Variants in RBFOX1 observed in about 807,000 individuals in gnomAD.
RBFOX1 encodes RNA binding fox-1 homolog 1.
RBFOX1 carries 8 observed loss-of-function variants against 57.7 expected under a neutral mutation model. That is an observed-to-expected ratio of 0.14 (90% CI 0.08 to 0.25). The LOEUF (loss-of-function observed/expected upper bound fraction) is 0.25. RBFOX1 is among the 10% of genes least tolerant of loss of function. The probability of loss-of-function intolerance (pLI) is 1.00; values close to 1 mark genes in which losing one functional copy is unlikely to be tolerated. For synonymous variants in RBFOX1, 326 were observed against 222.4 expected (o/e 1.47, Z -4.15); for missense variants, 611 against 548.5 (o/e 1.11, Z -1.14).
chr16:5,718,180 G>C (rs181376991), intron 3 of RBFOX1, among the ~76,000 whole-genome samples: 2 of 152,230 alleles, frequency 1.3e-5, no homozygotes. Flanking sequence ...AATAGCTGCT[G>C]TTCTTTAAGC....
intron 5 of RBFOX1, among the ~76,000 whole-genome samples, chr16:7,567,112 C>T (rs1428023005): frequency 6.8e-6 from 1 of 147,400 alleles, no homozygotes; most frequent in Non-Finnish European, 1.5e-5. Flanking sequence ...TATGTATATC[C>T]ATATATATCT....
At chr16:7,336,915 T>C (rs142127117) in intron 4 of RBFOX1, among the ~76,000 whole-genome samples, 1 of 152,304 alleles carries the variant, frequency 6.6e-6, no homozygotes, top group African/African-American at 2.4e-5. Flanking sequence ...ATGTAAATAT[T>C]CATGTATTTT....
intron 3 of RBFOX1, among the ~76,000 whole-genome samples, chr16:7,010,457 A>G (rs777271171): frequency 3.9e-5 from 6 of 152,132 alleles, no homozygotes; most frequent in Non-Finnish European, 5.9e-5. Context: ...GTCCGTGAGC[A>G]TCCGAGGGGC....
intron 4 of RBFOX1, among the ~76,000 whole-genome samples, chr16:7,404,393 C>G (rs898007864): frequency 1.3e-5 from 2 of 152,120 alleles, no homozygotes; most frequent in African/African-American, 4.8e-5. Context: ...AGGTCACTGA[C>G]CTATCAGGGA....
intron 4 of RBFOX1, among the ~76,000 whole-genome samples, chr16:7,381,269 C>G (rs2097777981): frequency 6.6e-6 from 1 of 152,284 alleles, no homozygotes; most frequent in Admixed American, 6.5e-5. Flanking sequence ...TGGGCCCTGA[C>G]TTTTCTTGTT....
At chr16:6,243,667 C>T (rs1305615531) in intron 1 of RBFOX1, among the ~76,000 whole-genome samples, 1 of 152,190 alleles carries the variant, frequency 6.6e-6, no homozygotes, top group Non-Finnish European at 1.5e-5. Context: ...CAGAGCATCC[C>T]AACCCCTGAC....
At chr16:6,757,074 A>C (rs1376604876) in intron 3 of RBFOX1, among the ~76,000 whole-genome samples, 1 of 152,208 alleles carries the variant, frequency 6.6e-6, no homozygotes, top group Non-Finnish European at 1.5e-5. Flanking sequence ...TTATGAGGGA[A>C]ATGCAGATCA....
At chr16:5,460,299 G>A (rs528161659) in intron 1 of RBFOX1, among the ~76,000 whole-genome samples, 1 of 152,246 alleles carries the variant, frequency 6.6e-6, no homozygotes, top group South Asian at 2.1e-4. Flanking sequence ...TGTTGAAGCA[G>A]GAATAGTAAT....
At position 7,710,677 on chromosome 16, in the gene RBFOX1, G is replaced by C. The variant is rs775537387; in HGVS notation, c.1126G>C (p.Gly376Arg). The change falls in exon 16 of 16, where the codon GGT becomes CGT. Residue 376 changes from glycine (G) to arginine (R), a missense_variant. Gly to Arg is a moderately radical substitution (Grantham distance 125, BLOSUM62 -2). Coordinates refer to ENST00000550418, the MANE Select transcript of RBFOX1 (RefSeq NM_018723.4). ...GACTAGGAGCCATGCTGATGATGTG[G>C]GTCTCGTTCTTTCTTCATTGCAGGC... Reference protein sequence around the residue: ...AKTRSHADDVGLVLSSLQASI... With the variant: ...AKTRSHADDVRLVLSSLQASI... 1 of 1,613,464 alleles carries C rather than the reference G, an allele frequency of 6.2e-7. No homozygotes were observed. Among genetic ancestry groups the C allele is most frequent in the South Asian group, 1.1e-5 (1 of 90,972 alleles).
At chr16:6,857,219 T>G (rs147831254) in intron 3 of RBFOX1, among the ~76,000 whole-genome samples, 1 of 152,184 alleles carries the variant, frequency 6.6e-6, no homozygotes, top group African/African-American at 2.4e-5. Flanking sequence ...TACGCTGATA[T>G]ATAAATCATA....
In RBFOX1 at chr16:7,515,835, C is replaced by CGTT. The variant is rs139201687; in HGVS notation, c.28-2286_28-2284dup. On this transcript the variant is annotated intron_variant, in intron 4 of 15. Transcript: ENST00000550418. ...GGGAGGTCCCCTTCAAGTGGCAGTT[C>CGTT]GTTGTTGTTGTTGTTGTTGTTGTTG... Among the ~76,000 whole-genome samples, 1,433 of 151,340 alleles carry CGTT rather than the reference C, an allele frequency of 9.5e-3. 9 individuals carry two copies. The highest frequency in any genetic ancestry group is 0.024 in the African/African-American group (977 of 41,220).
Position 7,450,914 on chromosome 16 carries a change from A to G in RBFOX1, c.28-67233A>G, listed in dbSNP as rs146858040. On this transcript the variant is annotated intron_variant, in intron 4 of 15. Transcript: ENST00000550418. Reference sequence around the variant, plus strand: ...GTTTCAGGGCATGCATCCACAGCGTAGGTTGGTAACTAAAAGGCCAGCCCA... The same window carrying G: ...GTTTCAGGGCATGCATCCACAGCGTGGGTTGGTAACTAAAAGGCCAGCCCA... Among the ~76,000 whole-genome samples the G allele has an allele frequency of 6.6e-3, 1,001 of 152,298 alleles. 10 individuals carry two copies. The highest frequency in any genetic ancestry group is 0.022 in the African/African-American group (918 of 41,554).
At chr16:7,303,176 G>A (rs1403382885) in intron 4 of RBFOX1, among the ~76,000 whole-genome samples, 1 of 152,230 alleles carries the variant, frequency 6.6e-6, no homozygotes, top group Non-Finnish European at 1.5e-5. Context: ...TCAGGGGCTG[G>A]TTCGCTGGCT....
At position 7,070,866 on chromosome 16, in the gene RBFOX1, AAAACC is replaced by A. The variant is rs542551803; in HGVS notation, c.27+18770_27+18774del. Reference sequence around the variant, plus strand: ...AGACACCAAATTGACCAAGGGTGACAAAACCAGCACTGACAAGACTGTGGTTGTTG... The same window carrying A: ...AGACACCAAATTGACCAAGGGTGACAAGCACTGACAAGACTGTGGTTGTTG... On this transcript the variant is annotated intron_variant, in intron 4 of 15. Coordinates refer to ENST00000550418, the MANE Select transcript of RBFOX1 (RefSeq NM_018723.4). 1.4e-4 allele frequency among the ~76,000 whole-genome samples: 22 copies of A among 152,318 alleles called. 1 individual carries two copies. In the East Asian group the frequency reaches 4.2e-3, roughly 29 times the overall value.
chr16:7,213,529 C>A (rs1439344133), intron 4 of RBFOX1, among the ~76,000 whole-genome samples: 1 of 150,150 alleles, frequency 6.7e-6, no homozygotes, highest in African/African-American at 2.5e-5. Flanking sequence ...CATGGCTTTT[C>A]CTAATTCTCA....
chr16:5,620,790 C>T (rs887228732), intron 3 of RBFOX1, among the ~76,000 whole-genome samples: 3 of 152,126 alleles, frequency 2.0e-5, no homozygotes, highest in Admixed American at 2.0e-4. Context: ...GTGATCCTCC[C>T]ACCTCAGCTG....
At chr16:5,713,352 A>G (rs1281833819) in intron 3 of RBFOX1, among the ~76,000 whole-genome samples, 2 of 152,194 alleles carry the variant, frequency 1.3e-5, no homozygotes, top group African/African-American at 2.4e-5. Context: ...AAGTACAGGA[A>G]TGAGATTAAG....
chr16:7,039,497 C>T (rs892726313), intron 3 of RBFOX1, among the ~76,000 whole-genome samples: 2 of 152,176 alleles, frequency 1.3e-5, no homozygotes, highest in Non-Finnish European at 2.9e-5. Flanking sequence ...TGACTTGAGT[C>T]ATTGTTGTGA....
At chr16:6,999,169 T>TGGCCA (rs2092540558) in intron 3 of RBFOX1, among the ~76,000 whole-genome samples, 1 of 128,018 alleles carries the variant, frequency 7.8e-6, no homozygotes, top group Non-Finnish European at 1.6e-5. Flanking sequence ...GAGCCTGGCC[T>TGGCCA]TTTTATTTTA....
Sources: allele counts gnomAD v4.1 joint callset (sites outside exome capture counted in the v4.1 genomes callset), GRCh38; gene constraint gnomAD v4.1.1; transcripts MANE v1.5; gene names NCBI Gene and HGNC (gene_info 2026-07-23, HGNC 2026-07-21).